Variants in MYEF2 observed in about 807,000 individuals in gnomAD.
MYEF2 encodes myelin gene expression factor 2.
Under a neutral mutation model 75.2 loss-of-function variants are expected in MYEF2, and 37 were observed. The ratio of observed to expected loss-of-function variants is 0.49; its 90% CI spans 0.38 to 0.65. The LOEUF is 0.65. MYEF2 is among the 30% of genes least tolerant of loss of function. The pLI, the probability that MYEF2 is intolerant of heterozygous loss-of-function variation, is 0.00. For missense variants in MYEF2, 634 were observed against 771.4 expected, an observed-to-expected ratio of 0.82 and a Z score of 2.11; for synonymous variants, 195 against 241.6, an observed-to-expected ratio of 0.81 and a Z score of 1.79.
chr15:48,160,874 CA>C (rs2039914696), intron 5 of MYEF2, among the ~76,000 whole-genome samples: 1 of 21,312 alleles, frequency 4.7e-5, no homozygotes, highest in Non-Finnish European at 8.4e-4. Context: ...AAAAGGATTA[CA>C]AAAGAAAAAA....
chr15:48,169,291 A>G (rs2140925462), intron 1 of MYEF2, among the ~76,000 whole-genome samples: 1 of 152,314 alleles, frequency 6.6e-6, no homozygotes, highest in South Asian at 2.1e-4. Context: ...CTTAAAGGTT[A>G]ATAGTTTCTT....
chr15:48,178,275 A>G lies in MYEF2; in HGVS notation c.-38T>C, dbSNP rs1387561886. 7.3e-7 allele frequency: 1 copy of G among 1,366,030 alleles called. No individual in the cohort carries two copies. Among genetic ancestry groups the G allele is most frequent in the Non-Finnish European group, 9.4e-7 (1 of 1,063,870 alleles). The allele number at this position is 1,366,030 out of a possible 1,614,324, so 84.6% of individuals were successfully genotyped here. On this transcript the variant is annotated 5_prime_UTR_variant, in exon 1 of 17. Coordinates refer to ENST00000324324, the MANE Select transcript of MYEF2 (RefSeq NM_016132.5). ...GCCTCCGCCTCGGCCGCCTGAGCTG[A>G]GGGGCTCCGAGCGCGACAATGGCGG...
Position 48,142,217 on chromosome 15 carries a change from C to G in MYEF2, c.*691G>C, listed in dbSNP as rs777444896. On this transcript the variant is annotated 3_prime_UTR_variant, in exon 17 of 17. Transcript: ENST00000324324. Reference sequence around the variant, plus strand: ...AATTATTTTTCTTTTTTTAGCAGTTCACTTCAATGGCTGGAAACTAGACAG... The same window carrying G: ...AATTATTTTTCTTTTTTTAGCAGTTGACTTCAATGGCTGGAAACTAGACAG... 1.2e-6 allele frequency: 2 copies of G among 1,613,722 alleles called. No individual in the cohort carries two copies. Among genetic ancestry groups the G allele is most frequent in the Admixed American group, 3.3e-5 (2 of 60,014 alleles).
At chr15:48,161,613 T>C (rs960109230) in intron 5 of MYEF2, among the ~76,000 whole-genome samples, 2 of 151,534 alleles carry the variant, frequency 1.3e-5, no homozygotes, top group Admixed American at 6.6e-5. Context: ...CTCTGAAATA[T>C]TACTGAGGAT....
intron 10 of MYEF2, chr15:48,152,979 C>G (rs1567249332): frequency 6.6e-6 from 1 of 152,046 alleles, no homozygotes; most frequent in Non-Finnish European, 1.5e-5. Flanking sequence ...ACTACTAAGA[C>G]ATTATTTGAT....
intron 1 of MYEF2, among the ~76,000 whole-genome samples, chr15:48,173,832 T>A (rs2040421103): frequency 6.6e-6 from 1 of 151,932 alleles, no homozygotes; most frequent in South Asian, 2.1e-4. Context: ...GATCAAACAA[T>A]GATAAAAGAA....
Position 48,159,446 on chromosome 15 carries a change from GTGTA to G in MYEF2, c.717+163_717+166del, listed in dbSNP as rs1248772649. 4.9e-6 allele frequency: 3 copies of G among 612,314 alleles called. No homozygotes were observed. In the East Asian group the frequency reaches 8.4e-5, roughly 17 times the overall value. 37.9% of individuals were successfully genotyped at this position (612,314 alleles called of 1,614,324 possible). On this transcript the variant is annotated intron_variant, in intron 6 of 16. Coordinates refer to ENST00000324324, the MANE Select transcript of MYEF2 (RefSeq NM_016132.5). ...TCTAACCTTGTGCGTGTGTGTGTGT[GTGTA>G]TATATATGTATATACGTCAATTGAT... is the stretch of plus-strand genomic sequence containing the variant.
intron 16 of MYEF2, among the ~76,000 whole-genome samples, chr15:48,144,595 T>G (rs1276790584): frequency 1.3e-5 from 2 of 151,852 alleles, no homozygotes; most frequent in Non-Finnish European, 2.9e-5. Context: ...ACAACTGGAA[T>G]GAAATGGGGA....
chr15:48,151,276 A>G, intron 13 of MYEF2, 105 bp from the exon 14 acceptor site: 1 of 1,128,682 alleles, frequency 8.9e-7, no homozygotes, highest in African/African-American at 1.6e-5. Context: ...AAAAGCATAA[A>G]GTCTTCTGAA....
intron 14 of MYEF2, among the ~76,000 whole-genome samples, chr15:48,150,756 T>C (rs2039462056): frequency 6.6e-6 from 1 of 152,034 alleles, no homozygotes; most frequent in South Asian, 2.1e-4. Flanking sequence ...TAATAGCTAT[T>C]ATAGAAAATA....
chr15:48,177,802 A>C (rs2140957804), intron 1 of MYEF2, among the ~76,000 whole-genome samples: 1 of 152,284 alleles, frequency 6.6e-6, no homozygotes, highest in South Asian at 2.1e-4. Flanking sequence ...GTCAGGGAAG[A>C]GGGGTGTTCG....
chr15:48,156,339 G>A (rs866541220), intron 9 of MYEF2, among the ~76,000 whole-genome samples: 5 of 151,680 alleles, frequency 3.3e-5, no homozygotes, highest in Admixed American at 6.6e-5. Flanking sequence ...TATTAAAACC[G>A]ACAAATTTCT....
intron 9 of MYEF2, chr15:48,157,614 A>T: frequency 5.5e-6 from 2 of 364,828 alleles, no homozygotes; most frequent in Non-Finnish European, 7.7e-6. Flanking sequence ...AAAATAATTC[A>T]AAATTATTTT....
At chr15:48,160,995 G>C (rs1203820414) in intron 5 of MYEF2, among the ~76,000 whole-genome samples, 1 of 151,980 alleles carries the variant, frequency 6.6e-6, no homozygotes, top group African/African-American at 2.4e-5. Flanking sequence ...GGCTACCTAT[G>C]GGGAAGAAAG....
intron 1 of MYEF2, among the ~76,000 whole-genome samples, chr15:48,175,344 C>A (rs1430431179): frequency 6.6e-6 from 1 of 152,028 alleles, no homozygotes; most frequent in Non-Finnish European, 1.5e-5. Flanking sequence ...GTTCTAAGGG[C>A]ACAAACTTTC....
intron 5 of MYEF2, among the ~76,000 whole-genome samples, chr15:48,163,398 G>A (rs1399129803): frequency 1.3e-5 from 2 of 152,180 alleles, no homozygotes; most frequent in Non-Finnish European, 2.9e-5. Flanking sequence ...AAGGCTGAGA[G>A]AGGTGAGAAA....
rs996336758 is a variant in MYEF2, at chr15:48,135,182, T to C, written c.*7726A>G. 3 of 443,430 alleles carry C rather than the reference T, an allele frequency of 6.8e-6. No individual in the cohort carries two copies. Among genetic ancestry groups the C allele is most frequent in the African/African-American group, 4.0e-5 (2 of 50,314 alleles). The allele number at this position is 443,430 out of a possible 1,614,324, so 27.5% of individuals were successfully genotyped here. ...TAGTTTGCAATTTCTTCTTAATCAC[T>C]TCACAGTCTCCTTTTTTCTCTCACT... is the stretch of plus-strand genomic sequence containing the variant. On this transcript the variant is annotated 3_prime_UTR_variant, in exon 17 of 17. Coordinates refer to ENST00000324324, the MANE Select transcript of MYEF2 (RefSeq NM_016132.5).
intron 13 of MYEF2, 150 bp from the exon 14 acceptor site, chr15:48,151,321 G>C: frequency 1.0e-6 from 1 of 985,316 alleles, no homozygotes; most frequent in African/African-American, 1.6e-5. Flanking sequence ...TTGAAAAAGA[G>C]AGCTAGCATA....
intron 9 of MYEF2, among the ~76,000 whole-genome samples, chr15:48,156,219 G>A (rs1293029581): frequency 2.0e-5 from 3 of 151,992 alleles, no homozygotes; most frequent in Non-Finnish European, 2.9e-5. Flanking sequence ...TTCAACTTAA[G>A]GAGTTAGGAC....
Sources: gnomAD v4.1 joint callset for allele counts (sites outside exome capture counted in the v4.1 genomes callset) on GRCh38, gnomAD v4.1.1 for gene constraint, MANE v1.5 for transcripts, NCBI Gene and HGNC (gene_info 2026-07-23, HGNC 2026-07-21) for gene names.